The following AQP7B variants were observed in gnomAD, a reference collection of about 807,000 sequenced individuals.
AQP7B encodes putative aquaporin-7B.
At chr2:94,604,505 C>G in the AQP7B span, 1 of 1,610,776 alleles carries the variant, frequency 6.2e-7, no homozygotes, top group Non-Finnish European at 8.5e-7. Flanking sequence ...CTCCGTGAGC[C>G]TTGCCAACAG....
At chr2:94,603,746 T>G in the AQP7B span, 1 of 1,516,912 alleles carries the variant, frequency 6.6e-7, no homozygotes, top group Non-Finnish European at 8.9e-7. Context: ...CTGTGTCTCT[T>G]CACCATCACG....
the AQP7B span, chr2:94,602,958 G>T: frequency 7.0e-7 from 1 of 1,436,548 alleles, no homozygotes; most frequent in South Asian, 1.4e-5. Flanking sequence ...ATACACACTA[G>T]CCATCGTTGT....
chr2:94,594,928 C>T, the AQP7B span: 3 of 1,058,288 alleles, frequency 2.8e-6, no homozygotes, highest in Non-Finnish European at 4.3e-6. Flanking sequence ...TGTCCATGAC[C>T]CCCTCCCCAT....
the AQP7B span, among the ~76,000 whole-genome samples, chr2:94,592,293 G>A: frequency 6.6e-6 from 1 of 152,192 alleles, no homozygotes; most frequent in Non-Finnish European, 1.5e-5. Context: ...CAAAAAGTAA[G>A]CAGAGGGAAT....
the AQP7B span, chr2:94,588,374 G>A: frequency 1.6e-6 from 1 of 623,020 alleles, no homozygotes; most frequent in Non-Finnish European, 2.8e-6. Context: ...GCTTGGCTGG[G>A]CTAAGGGAGT....
the AQP7B span, among the ~76,000 whole-genome samples, chr2:94,599,800 A>G: frequency 6.6e-6 from 1 of 151,846 alleles, no homozygotes; most frequent in Non-Finnish European, 1.5e-5. Flanking sequence ...TCACGGGATC[A>G]TGTTCTCTCT....
At chr2:94,590,903 C>T in the AQP7B span, among the ~76,000 whole-genome samples, 1 of 144,510 alleles carries the variant, frequency 6.9e-6, no homozygotes, top group Non-Finnish European at 1.5e-5. Flanking sequence ...TTTGACTGTG[C>T]CACTGCACTT....
chr2:94,596,239 T>C, the AQP7B span, among the ~76,000 whole-genome samples: 1 of 152,246 alleles, frequency 6.6e-6, no homozygotes, highest in African/African-American at 2.4e-5. Context: ...ATTGGGACAG[T>C]ATCCAGACTG....
the AQP7B span, chr2:94,603,805 A>T: frequency 6.6e-7 from 1 of 1,519,784 alleles, no homozygotes; most frequent in Non-Finnish European, 9.1e-7. Flanking sequence ...GCTGGTGATA[A>T]GCATCCTCGT....
chr2:94,603,353 A>G, the AQP7B span: 1 of 1,582,200 alleles, frequency 6.3e-7, no homozygotes, highest in Non-Finnish European at 8.6e-7. Flanking sequence ...AGTTGGGGGC[A>G]GGTTCGCATG....
chr2:94,593,854 C>T, the AQP7B span, among the ~76,000 whole-genome samples: 1 of 152,088 alleles, frequency 6.6e-6, no homozygotes, highest in Non-Finnish European at 1.5e-5. Context: ...TATACGTCTC[C>T]CTATATGCAG....
chr2:94,600,808 G>C, the AQP7B span, among the ~76,000 whole-genome samples: 1 of 151,644 alleles, frequency 6.6e-6, no homozygotes, highest in African/African-American at 2.4e-5. Flanking sequence ...GAACCCGGGA[G>C]TTGGAGGTTG....
chr2:94,592,167 G>A, the AQP7B span, among the ~76,000 whole-genome samples: 7 of 152,120 alleles, frequency 4.6e-5, no homozygotes, highest in African/African-American at 4.8e-5. Flanking sequence ...CTCTTCTGTG[G>A]TTACCTCCAG....
At chr2:94,596,062 G>C in the AQP7B span, among the ~76,000 whole-genome samples, 1 of 152,232 alleles carries the variant, frequency 6.6e-6, no homozygotes, top group African/African-American at 2.4e-5. Flanking sequence ...AGGAGAACCA[G>C]AGCTGACTGC....
the AQP7B span, chr2:94,602,675 C>A: frequency 1.3e-6 from 2 of 1,495,100 alleles, no homozygotes; most frequent in Non-Finnish European, 1.8e-6. Context: ...CAGGCTCTTT[C>A]CTGCCCACCT....
At chr2:94,589,652 G>T in the AQP7B span, among the ~76,000 whole-genome samples, 3 of 152,104 alleles carry the variant, frequency 2.0e-5, no homozygotes, top group Admixed American at 2.0e-4. Flanking sequence ...AGAATGAATA[G>T]TGCCCCTCTG....
chr2:94,600,917 A>T, the AQP7B span, among the ~76,000 whole-genome samples: 2 of 151,576 alleles, frequency 1.3e-5, no homozygotes, highest in East Asian at 3.9e-4. Context: ...GCCGAGGCAC[A>T]TGCCCATAGT....
At chr2:94,590,944 C>CAAAAAAAAAAAAAAAAAAAAA in the AQP7B span, among the ~76,000 whole-genome samples, 4 of 49,070 alleles carry the variant, frequency 8.2e-5, no homozygotes, top group East Asian at 7.4e-4. Flanking sequence ...GACCCTGTCT[C>CAAAAAAAAAAAAAAAAAAAAA]AAAAAAAAAA....
the AQP7B span, among the ~76,000 whole-genome samples, chr2:94,601,466 T>C: frequency 9.9e-5 from 15 of 152,202 alleles, no homozygotes; most frequent in Non-Finnish European, 5.9e-5. Flanking sequence ...CAGGCATAGC[T>C]GAAACTGTCT....
Sources: gnomAD v4.1 joint callset for allele counts (sites outside exome capture counted in the v4.1 genomes callset) on GRCh38, gnomAD v4.1.1 for gene constraint, MANE v1.5 for transcripts, NCBI Gene and HGNC (gene_info 2026-07-23, HGNC 2026-07-21) for gene names.